The following ERBB4 variants were observed in gnomAD, a reference collection of about 807,000 sequenced individuals.
ERBB4 encodes the protein erb-b2 receptor tyrosine kinase 4.
ERBB4 carries 42 observed loss-of-function variants against 158.0 expected under a neutral mutation model. The ratio of observed to expected loss-of-function variants is 0.27; its 90% CI spans 0.21 to 0.34. The LOEUF (loss-of-function observed/expected upper bound fraction) is 0.34, where lower values mean the gene tolerates loss of function less well. Ranked by LOEUF, ERBB4 falls within the 10% of genes least tolerant of loss-of-function variation. The pLI is 1.00. For synonymous variants in ERBB4, 583 were observed against 558.7 expected (o/e 1.04, Z -0.61); for missense variants, 1,333 against 1,624.1 (o/e 0.82, Z 3.08).
Position 211,722,415 on chromosome 2 carries a change from T to C in ERBB4, c.861A>G (p.Ala287=). 1 of 1,613,690 alleles carries C rather than the reference T, an allele frequency of 6.2e-7. No homozygotes were observed. Among genetic ancestry groups the C allele is most frequent in the Non-Finnish European group, 8.5e-7 (1 of 1,179,566 alleles). The change falls in exon 7 of 28, where the codon GCA becomes GCG. Residue 287 remains alanine (A), a synonymous_variant. Transcript: ENST00000342788. ...TACGTGGACATTTCTTGACACAGAA[T>C]GCTCCATATGTGTACTTTGCATTGA... ...HNFNAKYTYG[A]FCVKKCPHNF...
At chr2:211,704,565 C>A (rs910733639) in intron 10 of ERBB4, among the ~76,000 whole-genome samples, 2 of 152,166 alleles carry the variant, frequency 1.3e-5, no homozygotes, top group Non-Finnish European at 2.9e-5. Context: ...ACATATCTAG[C>A]CTTTCTCATT....
intron 3 of ERBB4, among the ~76,000 whole-genome samples, chr2:211,899,410 C>A (rs900058759): frequency 6.6e-6 from 1 of 152,056 alleles, no homozygotes; most frequent in Admixed American, 6.6e-5. Context: ...GGCAATTCAT[C>A]TACCAGTAAC....
At chr2:211,863,805 T>C (rs1328051753) in intron 3 of ERBB4, among the ~76,000 whole-genome samples, 4 of 152,186 alleles carry the variant, frequency 2.6e-5, no homozygotes, top group Non-Finnish European at 5.9e-5. Context: ...CCAGACACAG[T>C]GGGATATGAC....
At chr2:212,512,216 C>G (rs1445353330) in intron 1 of ERBB4, among the ~76,000 whole-genome samples, 1 of 152,074 alleles carries the variant, frequency 6.6e-6, no homozygotes, top group African/African-American at 2.4e-5. Flanking sequence ...CTACACTACA[C>G]CTTTGGAGTC....
intron 7 of ERBB4, 92 bp downstream of exon 7, chr2:211,722,301 T>C: frequency 1.9e-6 from 2 of 1,067,678 alleles, no homozygotes; most frequent in African/African-American, 1.6e-5. Context: ...ATAATATTCT[T>C]ACAAGTTTCA....
intron 19 of ERBB4, among the ~76,000 whole-genome samples, chr2:211,592,937 G>C (rs970607790): frequency 2.6e-5 from 4 of 151,860 alleles, no homozygotes; most frequent in Admixed American, 6.6e-5. Context: ...CTTGAACCGG[G>C]AGGTGGAGGT....
chr2:211,861,339 GTTTTT>G (rs1553648578), intron 3 of ERBB4, among the ~76,000 whole-genome samples: 3 of 89,836 alleles, frequency 3.3e-5, no homozygotes, highest in African/African-American at 8.7e-5. Flanking sequence ...TTTTTTTTTT[GTTTTT>G]TTTTTGTTTT....
chr2:211,870,896 T>C (rs2078327180), intron 3 of ERBB4, among the ~76,000 whole-genome samples: 1 of 152,284 alleles, frequency 6.6e-6, no homozygotes, highest in East Asian at 1.9e-4. Flanking sequence ...ATTCAATTTG[T>C]TCGTTCATTC....
At chr2:211,952,851 T>C (rs1035758576) in intron 2 of ERBB4, among the ~76,000 whole-genome samples, 3 of 152,034 alleles carry the variant, frequency 2.0e-5, no homozygotes, top group Non-Finnish European at 4.4e-5. Context: ...GCCAGGCAGA[T>C]GAACTGCCTG....
At chr2:211,739,251 C>T (rs1439627325) in intron 5 of ERBB4, among the ~76,000 whole-genome samples, 1 of 151,832 alleles carries the variant, frequency 6.6e-6, no homozygotes, top group Non-Finnish European at 1.5e-5. Context: ...GTTAAATAAT[C>T]TATGCTTTTG....
At chr2:212,237,930 A>G (rs997923986) in intron 1 of ERBB4, among the ~76,000 whole-genome samples, 3 of 152,152 alleles carry the variant, frequency 2.0e-5, no homozygotes, top group African/African-American at 7.2e-5. Context: ...CCCTCCCCCA[A>G]CAAAGCTCAA....
intron 20 of ERBB4, among the ~76,000 whole-genome samples, chr2:211,540,939 G>A (rs1559276558): frequency 6.6e-6 from 1 of 151,882 alleles, no homozygotes. Flanking sequence ...TGTGCTTAAA[G>A]TTGCAGCAGT....
intron 12 of ERBB4, among the ~76,000 whole-genome samples, chr2:211,684,691 G>A (rs1362574525): frequency 1.3e-5 from 2 of 152,106 alleles, no homozygotes; most frequent in Non-Finnish European, 2.9e-5. Flanking sequence ...GTTCTTTCAT[G>A]TCCTGCATGC....
chr2:211,825,533 A>AC (rs1416335777), intron 3 of ERBB4, among the ~76,000 whole-genome samples: 1 of 151,654 alleles, frequency 6.6e-6, no homozygotes, highest in East Asian at 1.9e-4. Flanking sequence ...TGTCTTCTAG[A>AC]CCCCAGCTGA....
intron 12 of ERBB4, among the ~76,000 whole-genome samples, chr2:211,685,687 C>A (rs750880526): frequency 6.6e-5 from 10 of 152,114 alleles, no homozygotes; most frequent in Non-Finnish European, 2.9e-5. Context: ...AAGAATTGTA[C>A]TAAAGCTGTA....
At chr2:211,739,973 C>CT (rs1435188893) in intron 5 of ERBB4, among the ~76,000 whole-genome samples, 2 of 152,130 alleles carry the variant, frequency 1.3e-5, no homozygotes, top group Admixed American at 1.3e-4. Context: ...TAGCTTGATT[C>CT]TTTTAAATTA....
intron 15 of ERBB4, 21 bp downstream of exon 15, chr2:211,665,301 CT>C (rs774032128): frequency 6.2e-7 from 1 of 1,613,784 alleles, no homozygotes; most frequent in Admixed American, 1.7e-5. Flanking sequence ...CAGGTGAGCC[CT>C]TGGCCAGCAA....
chr2:212,168,319 G>A (rs6736654), intron 1 of ERBB4, among the ~76,000 whole-genome samples: 91,641 of 151,962 alleles, frequency 0.6, 28,703 homozygotes, highest in African/African-American at 0.67. Flanking sequence ...AATGAGTTTC[G>A]TATACAGTGT....
intron 19 of ERBB4, among the ~76,000 whole-genome samples, chr2:211,577,084 A>G (rs747827857): frequency 2.1e-4 from 32 of 152,332 alleles, no homozygotes; most frequent in Non-Finnish European, 2.9e-4. Flanking sequence ...TTCTGAAAAG[A>G]ACAATTTCAG....
Sources: gnomAD v4.1 joint callset for allele counts (sites outside exome capture counted in the v4.1 genomes callset) on GRCh38, gnomAD v4.1.1 for gene constraint, MANE v1.5 for transcripts, NCBI Gene and HGNC (gene_info 2026-07-23, HGNC 2026-07-21) for gene names.